Variants in IGSF9 observed in about 807,000 individuals in gnomAD.
IGSF9 encodes immunoglobulin superfamily member 9.
A neutral mutation model predicts 121.7 loss-of-function variants in IGSF9; 87 were observed. That is an observed-to-expected ratio of 0.71 (90% confidence interval 0.60 to 0.85). The LOEUF (loss-of-function observed/expected upper bound fraction) is 0.85. Among genes scored for constraint, IGSF9 ranks in the 40% least tolerant of loss-of-function variants. The pLI, the probability that IGSF9 is intolerant of heterozygous loss-of-function variation, is 0.00. For synonymous variants in IGSF9, 640 were observed against 648.4 expected (o/e 0.99, Z 0.20); for missense variants, 1,462 against 1,565.3 (o/e 0.93, Z 1.11).
Position 159,932,421 on chromosome 1 carries a change from C to A in IGSF9, c.1245+91G>T. The A allele has an allele frequency of 2.4e-6, 2 of 822,194 alleles. No homozygotes were observed. The highest frequency in any genetic ancestry group is 1.9e-6 in the Non-Finnish European group (1 of 518,598). 50.9% of individuals were successfully genotyped at this position (822,194 alleles called of 1,614,324 possible). ...TTGGAAACCCCTCCCCATGTGTCTG[C>A]CCCACCCCACCCCCATCAGCCTGGC... is the stretch of plus-strand genomic sequence containing the variant. On this transcript the variant is annotated intron_variant, in intron 10 of 20. Transcript: ENST00000368094. This position sits in a 1 kb window ranked among gnomAD's most constrained non-coding sequence, Gnocchi z 4.1.
At chr1:159,941,447 G>C (rs1189140614) in intron 3 of IGSF9, among the ~76,000 whole-genome samples, 1 of 152,234 alleles carries the variant, frequency 6.6e-6, no homozygotes, top group Non-Finnish European at 1.5e-5. Flanking sequence ...CCAGACGGAG[G>C]TAGGGGTGTG....
At chr1:159,943,930 A>G (rs945792874) in intron 1 of IGSF9, among the ~76,000 whole-genome samples, 1 of 152,150 alleles carries the variant, frequency 6.6e-6, no homozygotes, top group Non-Finnish European at 1.5e-5. Flanking sequence ...GAGGGTCTTG[A>G]AAAACTAAGC....
chr1:159,941,271 T>A lies in IGSF9; in HGVS notation c.247+1692A>T, dbSNP rs546169038. On this transcript the variant is annotated intron_variant, in intron 3 of 20. Transcript: ENST00000368094. ...GAGGGCTTATGACAGAAGAGCATTGTCCTTAGCAACCTCTACCTCCTGTTG... is the reference window on the plus strand; with the variant it reads ...GAGGGCTTATGACAGAAGAGCATTGACCTTAGCAACCTCTACCTCCTGTTG... Among the ~76,000 whole-genome samples the A allele has an allele frequency of 2.0e-5, 3 of 152,190 alleles. 1 individual carries two copies. The highest frequency in any genetic ancestry group is 4.4e-5 in the Non-Finnish European group (3 of 68,036).
At chr1:159,945,539 C>T (rs1020897141) in intron 1 of IGSF9, 34 bp downstream of exon 1, 4 of 152,586 alleles carry the variant, frequency 2.6e-5, no homozygotes, top group Non-Finnish European at 5.9e-5. Context: ...CCAGCACCAC[C>T]ACTTCTATAC....
chr1:159,927,723 T>C, intron 20 of IGSF9, 37 bp downstream of exon 20: 2 of 1,605,308 alleles, frequency 1.2e-6, no homozygotes, highest in Non-Finnish European at 1.7e-6. Flanking sequence ...TGGGACAGTA[T>C]GGCCGAGATG....
chr1:159,939,277 G>A (rs1651298149), intron 3 of IGSF9, among the ~76,000 whole-genome samples: 1 of 152,140 alleles, frequency 6.6e-6, no homozygotes, highest in African/African-American at 2.4e-5. Flanking sequence ...TGCCCAGGTG[G>A]AGTACAGTGG....
rs1651020250 is a variant in IGSF9 at position 159,932,067 on chromosome 1, C to G, written c.1246-139G>C. The G allele has an allele frequency of 6.4e-6, 4 of 621,234 alleles. No homozygotes were observed. The South Asian group carries it at 7.8e-5, about 12-fold the overall frequency. 38.5% of individuals were successfully genotyped at this position (621,234 alleles called of 1,614,324 possible). Reference sequence around the variant, plus strand: ...CTAGCTAAACACTCACCAAGCCTGTCTCTACCTCATTCTCTCTCCATCTCT... The same window carrying G: ...CTAGCTAAACACTCACCAAGCCTGTGTCTACCTCATTCTCTCTCCATCTCT... On this transcript the variant is annotated intron_variant, in intron 10 of 20. Transcript: ENST00000368094. This position sits in a 1 kb window ranked among gnomAD's most constrained non-coding sequence, Gnocchi z 4.1.
chr1:159,927,490 G>A lies in IGSF9; in HGVS notation c.3395C>T (p.Thr1132Ile), dbSNP rs1215766939. 20 of 1,613,982 alleles carry A rather than the reference G, an allele frequency of 1.2e-5. No individual in the cohort carries two copies. The highest frequency in any genetic ancestry group is 2.7e-5 in the African/African-American group (2 of 74,948). The change falls in exon 21 of 21, where the codon ACT becomes ATT. Residue 1132 changes from threonine (T) to isoleucine (I), a missense_variant. By Grantham distance (89) the Thr-to-Ile change is moderately conservative (BLOSUM62 -1). Coordinates refer to ENST00000368094, the MANE Select transcript of IGSF9 (RefSeq NM_001135050.2). ...KTPEEGCLLN[T>I]AHVTGPEARC... is the part of the protein sequence containing the mutation. ...GGCCTCAGGGCCAGTAACATGGGCAGTGTTCAGGAGGCAGCCCTCCTCTGG... is the reference window on the plus strand; with the variant it reads ...GGCCTCAGGGCCAGTAACATGGGCAATGTTCAGGAGGCAGCCCTCCTCTGG...
At chr1:159,943,185 G>A (rs779582917) in intron 2 of IGSF9, 34 bp from the exon 3 acceptor site, 7 of 1,559,552 alleles carry the variant, frequency 4.5e-6, no homozygotes, top group Non-Finnish European at 5.2e-6. Flanking sequence ...CACAACGGGG[G>A]GCTAGGGTCA....
Position 159,932,525 on chromosome 1 carries a change from C to T in IGSF9, c.1232G>A (p.Arg411His), listed in dbSNP as rs777882173. 1.5e-5 allele frequency: 25 copies of T among 1,613,800 alleles called. No homozygotes were observed. The highest frequency in any genetic ancestry group is 5.5e-5 in the South Asian group (5 of 91,086). ...LGTAGPSPVT[R>H]VLLKAPPAFI... Reference sequence around the variant, plus strand: ...CCCCGGCCTAACCTTGAGCAGCACGCGGGTCACAGGAGAGGGCCCGGCGGT... The same window carrying T: ...CCCCGGCCTAACCTTGAGCAGCACGTGGGTCACAGGAGAGGGCCCGGCGGT... The change falls in exon 10 of 21, where the codon CGC becomes CAC. Residue 411 changes from arginine (R) to histidine (H), a missense_variant. Around this residue, in one of 3 missense-constraint regions of IGSF9, gnomAD observed 558 missense variants for 599.4 expected, o/e 0.93. Transcript: ENST00000368094. The surrounding 1 kb of genome is among the most constrained non-coding windows in gnomAD (Gnocchi z 4.1).
Position 159,931,826 on chromosome 1 carries a change from CAA to C in IGSF9, c.1346_1347del (p.Val449GlyfsTer58), listed in dbSNP as rs1370228309. ...AGGAGCCTTACCTTGGTCCAAGAGA[CAA>C]CAGGAGGAGGGTCCCCTTGGGCGGA... Reference protein sequence around the residue: ...PCSAQGDPPPVVSWTKVGRGL... With the variant: ...PCSAQGDPPPXVSWTKVGRGL... On this transcript the variant is annotated frameshift_variant, in exon 11 of 21. Transcript: ENST00000368094. LOFTEE classifies it high-confidence loss of function. This position sits in a 1 kb window ranked among gnomAD's most constrained non-coding sequence, Gnocchi z 4.8. 6.3e-7 allele frequency: 1 copy of C among 1,578,932 alleles called. No individual in the cohort carries two copies. The highest frequency in any genetic ancestry group is 2.2e-5 in the East Asian group (1 of 44,630).
Position 159,932,317 on chromosome 1 carries a change from A to C in IGSF9, c.1245+195T>G, listed in dbSNP as rs1571214380. 1 of 610,654 alleles carries C rather than the reference A, an allele frequency of 1.6e-6. No homozygotes were observed. The highest frequency in any genetic ancestry group is 2.0e-5 in the South Asian group (1 of 50,776). The allele number at this position is 610,654 out of a possible 1,614,324, so 37.8% of individuals were successfully genotyped here. ...TCTGGATGTGTGTGACTGATGTCCCACCTCCCGAGCACCACCTCTGCAGAA... is the reference window on the plus strand; with the variant it reads ...TCTGGATGTGTGTGACTGATGTCCCCCCTCCCGAGCACCACCTCTGCAGAA... On this transcript the variant is annotated intron_variant, in intron 10 of 20. Coordinates refer to ENST00000368094, the MANE Select transcript of IGSF9 (RefSeq NM_001135050.2). The surrounding 1 kb of genome is among the most constrained non-coding windows in gnomAD (Gnocchi z 4.1).
intron 3 of IGSF9, 73 bp downstream of exon 3, chr1:159,942,890 G>T: frequency 7.9e-7 from 1 of 1,258,236 alleles, no homozygotes; most frequent in Non-Finnish European, 1.1e-6. Flanking sequence ...TTCATAGGAG[G>T]CCTTGTGCGA....
At position 159,931,067 on chromosome 1, in the gene IGSF9, C is replaced by T. The variant is rs1650978759; in HGVS notation, c.1637+71G>A. 1 of 1,604,440 alleles carries T rather than the reference C, an allele frequency of 6.2e-7. No individual in the cohort carries two copies. Among genetic ancestry groups the T allele is most frequent in the Non-Finnish European group, 8.5e-7 (1 of 1,173,272 alleles). On this transcript the variant is annotated intron_variant, in intron 13 of 20. Transcript: ENST00000368094. This position sits in a 1 kb window ranked among gnomAD's most constrained non-coding sequence, Gnocchi z 4.8. ...AGGGACAGAAGAAAGGGCAGAAGGCCAGATAGGTTCAAGGAGGAGAGGAAA... is the reference window on the plus strand; with the variant it reads ...AGGGACAGAAGAAAGGGCAGAAGGCTAGATAGGTTCAAGGAGGAGAGGAAA...
chr1:159,929,614 A>G, intron 17 of IGSF9, 24 bp downstream of exon 17: 1 of 1,584,570 alleles, frequency 6.3e-7, no homozygotes, highest in Non-Finnish European at 8.6e-7. Flanking sequence ...GCGCAGTAGC[A>G]GGGCTGAGGG....
At chr1:159,935,456 C>T (rs1245758850) in intron 6 of IGSF9, among the ~76,000 whole-genome samples, 1 of 152,206 alleles carries the variant, frequency 6.6e-6, no homozygotes, top group Non-Finnish European at 1.5e-5. Flanking sequence ...TGGCTGTCCC[C>T]CATCTCCATG....
chr1:159,927,365 C>T lies in IGSF9; in HGVS notation c.3520G>A (p.Glu1174Lys), dbSNP rs1393363965. Residue 1174 changes from glutamate (E) to lysine (K), a missense_variant, in exon 21 of 21, where the codon GAA becomes AAA. Glu to Lys is a moderately conservative substitution (Grantham distance 56). Coordinates refer to ENST00000368094, the MANE Select transcript of IGSF9 (RefSeq NM_001135050.2). ...GATGTTCACAGCAGAGTGGCCTGTT[C>T]GGGGTGGGGGACTGGCTGTCGATAG... Reference protein sequence around the residue: ...PAYRQPVPHPEQATLL With the variant: ...PAYRQPVPHPKQATLL 23 of 1,613,694 alleles carry T rather than the reference C, an allele frequency of 1.4e-5. No individual in the cohort carries two copies. The highest frequency in any genetic ancestry group is 6.7e-5 in the Admixed American group (4 of 60,004).
In IGSF9 at chr1:159,931,321, G is replaced by C. The variant is rs1177867602; in HGVS notation, c.1514-60C>G. ...GCCTGAGGGAGTGTACAGAGTAGCA[G>C]GGGCCCCAGGGCCACTGACCTTCAC... On this transcript the variant is annotated intron_variant, in intron 12 of 20. Transcript: ENST00000368094. This position sits in a 1 kb window ranked among gnomAD's most constrained non-coding sequence, Gnocchi z 4.8. 4 of 1,608,470 alleles carry C rather than the reference G, an allele frequency of 2.5e-6. No homozygotes were observed. The highest frequency in any genetic ancestry group is 3.4e-6 in the Non-Finnish European group (4 of 1,176,300).
Position 159,943,570 on chromosome 1 carries a change from C to CAGAAG in IGSF9, c.-117_-116insCTTCT. On this transcript the variant is annotated 5_prime_UTR_variant, in exon 2 of 21. The change abolishes the stop of an existing upstream ORF in the 5' untranslated region. Coordinates refer to ENST00000368094, the MANE Select transcript of IGSF9 (RefSeq NM_001135050.2). ...AGGTTTCAGCTCTCACTCTTCTGTA[C>CAGAAG]AGTGAGGGCTTGGCTCATGTAACAC... 4 of 956,766 alleles carry CAGAAG rather than the reference C, an allele frequency of 4.2e-6. No homozygotes were observed. Among genetic ancestry groups the CAGAAG allele is most frequent in the South Asian group, 2.2e-5 (1 of 45,524 alleles). The allele number at this position is 956,766 out of a possible 1,614,324, so 59.3% of individuals were successfully genotyped here.
Sources: gnomAD v4.1 joint callset for allele counts (sites outside exome capture counted in the v4.1 genomes callset) on GRCh38, gnomAD v4.1.1 for gene constraint, gnomAD v4.1.1 regional missense constraint, Gnocchi (gnomAD v3.1) non-coding constraint, MANE v1.5 for transcripts, NCBI Gene and HGNC (gene_info 2026-07-23, HGNC 2026-07-21) for gene names.